The following FREM3 variants were observed in gnomAD, a reference collection of about 807,000 sequenced individuals.
FREM3 encodes the protein FRAS1 related extracellular matrix 3, also known as FRAS1-related extracellular matrix protein 3.
A neutral mutation model predicts 129.1 loss-of-function variants in FREM3; 105 were observed. The observed-to-expected ratio is 0.81, with a 90% CI of 0.69 to 0.96. The LOEUF (loss-of-function observed/expected upper bound fraction) is 0.96. Among genes scored for constraint, FREM3 ranks in the 40% least tolerant of loss-of-function variants. The pLI, the probability that FREM3 is intolerant of heterozygous loss-of-function variation, is 0.00. For synonymous variants in FREM3, 1,014 were observed against 1,044.9 expected (o/e 0.97, Z 0.57); for missense variants, 2,593 against 2,666.3 (o/e 0.97, Z 0.61).
At chr4:143,660,801 T>C (rs1739700590) in intron 2 of FREM3, among the ~76,000 whole-genome samples, 1 of 152,174 alleles carries the variant, frequency 6.6e-6, no homozygotes, top group Admixed American at 6.5e-5. Flanking sequence ...GTCCTTCACG[T>C]CCCTTGTAAG....
chr4:143,698,944 T>A lies in FREM3; in HGVS notation c.1732A>T (p.Thr578Ser). The A allele has an allele frequency of 6.5e-7, 1 of 1,537,212 alleles. No individual in the cohort carries two copies. Among genetic ancestry groups the A allele is most frequent in the Non-Finnish European group, 8.7e-7 (1 of 1,146,898 alleles). Reference sequence around the variant, plus strand: ...TGGTTCTCCAGCACAAAGTGGATGGTTGAGTCCTCAGAGTCAATATCAGTA... The same window carrying A: ...TGGTTCTCCAGCACAAAGTGGATGGATGAGTCCTCAGAGTCAATATCAGTA... ...SATDIDSEDS[T>S]IHFVLENQPL... The change falls in exon 1 of 8, where the codon ACC becomes TCC. Residue 578 changes from threonine to serine, a missense_variant. By Grantham distance (58) the Thr-to-Ser change is moderately conservative. This residue lies in a region of FREM3 where 2,276 missense variants were observed against 2,267.2 expected (regional missense o/e 1.00). Coordinates refer to ENST00000329798, the MANE Select transcript of FREM3 (RefSeq NM_001168235.2).
intron 2 of FREM3, among the ~76,000 whole-genome samples, chr4:143,686,788 T>C (rs991185873): frequency 2.0e-5 from 3 of 152,128 alleles, no homozygotes. Context: ...ACGACAATAA[T>C]AACACGACCT....
chr4:143,678,891 T>A (rs971156404), intron 2 of FREM3, among the ~76,000 whole-genome samples: 2 of 151,084 alleles, frequency 1.3e-5, no homozygotes, highest in African/African-American at 4.9e-5. Context: ...AATAAGAACA[T>A]ATTTTAAGTA....
At chr4:143,690,470 G>A (rs113971748) in intron 2 of FREM3, among the ~76,000 whole-genome samples, 3,144 of 152,162 alleles carry the variant, frequency 0.021, 137 homozygotes, top group African/African-American at 0.072. Flanking sequence ...TGGAGGCAGG[G>A]CAGGGTCTTC....
chr4:143,607,243 T>A (rs1308896055), intron 6 of FREM3, among the ~76,000 whole-genome samples: 1 of 152,212 alleles, frequency 6.6e-6, no homozygotes, highest in Non-Finnish European at 1.5e-5. Flanking sequence ...AATCACATTC[T>A]GGATATCTCC....
chr4:143,595,579 T>C (rs1173299881), intron 6 of FREM3, among the ~76,000 whole-genome samples: 3 of 152,146 alleles, frequency 2.0e-5, no homozygotes, highest in African/African-American at 4.8e-5. Context: ...TAGGATTTCA[T>C]TCAGCTATGC....
chr4:143,664,433 C>T (rs185787233), intron 2 of FREM3, among the ~76,000 whole-genome samples: 322 of 152,196 alleles, frequency 2.1e-3, no homozygotes, highest in Non-Finnish European at 9.3e-4. Context: ...GCTGTCTGAT[C>T]GTTCCTCTGG....
chr4:143,695,816 G>C lies in FREM3; in HGVS notation c.4860C>G (p.Phe1620Leu), dbSNP rs2149863956. ...GAGTGCCGTCTGTCACAGTCAAGGA[G>C]AAACTATCTTCAGTGGTCTCACTGC... ...HDGSETTEDS[F>L]SLTVTDGTHT... Residue 1620 changes from phenylalanine to leucine, a missense_variant, in exon 1 of 8, where the codon TTC (phenylalanine) becomes TTG (leucine). Phe to Leu is a conservative substitution (Grantham distance 22). Around this residue, in one of 2 missense-constraint regions of FREM3, gnomAD observed 2,276 missense variants for 2,267.2 expected, o/e 1.00. Coordinates refer to ENST00000329798, the MANE Select transcript of FREM3 (RefSeq NM_001168235.2). The C allele has an allele frequency of 1.3e-6, 2 of 1,537,300 alleles. No homozygotes were observed. Among genetic ancestry groups the C allele is most frequent in the East Asian group, 4.9e-5 (2 of 40,916 alleles).
At chr4:143,653,052 T>A (rs1315271974) in intron 2 of FREM3, among the ~76,000 whole-genome samples, 1 of 152,208 alleles carries the variant, frequency 6.6e-6, no homozygotes, top group Non-Finnish European at 1.5e-5. Flanking sequence ...GGGCAAACTC[T>A]AAAAGGCATA....
chr4:143,685,777 G>A (rs1170723987), intron 2 of FREM3, among the ~76,000 whole-genome samples: 1 of 151,860 alleles, frequency 6.6e-6, no homozygotes, highest in East Asian at 1.9e-4. Context: ...ACCAAACACA[G>A]CATGTTCTCA....
chr4:143,673,531 C>T (rs1560867068), intron 2 of FREM3, among the ~76,000 whole-genome samples: 1 of 152,322 alleles, frequency 6.6e-6, no homozygotes, highest in Non-Finnish European at 1.5e-5. Flanking sequence ...ATAGGCTATT[C>T]GTGGGTCAGG....
At chr4:143,681,559 TA>T (rs2149859341) in intron 2 of FREM3, among the ~76,000 whole-genome samples, 1 of 152,276 alleles carries the variant, frequency 6.6e-6, no homozygotes, top group African/African-American at 2.4e-5. Flanking sequence ...TCATTAATGT[TA>T]AAAAGTAGAC....
intron 6 of FREM3, among the ~76,000 whole-genome samples, chr4:143,586,345 T>C (rs980566643): frequency 9.9e-5 from 15 of 152,272 alleles, no homozygotes; most frequent in Admixed American, 8.5e-4. Context: ...TGGGAAAAGA[T>C]GGTGGAGAAG....
At chr4:143,687,089 A>G (rs923531383) in intron 2 of FREM3, among the ~76,000 whole-genome samples, 1 of 152,152 alleles carries the variant, frequency 6.6e-6, no homozygotes, top group African/African-American at 2.4e-5. Context: ...AATAAAATTG[A>G]TAGACCATTG....
chr4:143,578,812 G>T (rs1738083805), intron 7 of FREM3, among the ~76,000 whole-genome samples: 1 of 152,176 alleles, frequency 6.6e-6, no homozygotes, highest in Non-Finnish European at 1.5e-5. Context: ...GAGGACTGTT[G>T]TAGGTTGAAG....
chr4:143,603,600 ATATGTT>A, intron 6 of FREM3, among the ~76,000 whole-genome samples: 2 of 152,178 alleles, frequency 1.3e-5, no homozygotes, highest in Admixed American at 1.3e-4. Context: ...CTTAATGTAA[ATATGTT>A]GATTTGGAAA....
Position 143,577,618 on chromosome 4 carries a change from A to G in FREM3, c.6413T>C (p.Phe2138Ser). The G allele has an allele frequency of 1.3e-6, 2 of 1,536,534 alleles. No homozygotes were observed. Among genetic ancestry groups the G allele is most frequent in the South Asian group, 1.2e-5 (1 of 83,968 alleles). The change falls in exon 8 of 8, where the codon TTT (phenylalanine) becomes TCT (serine). Residue 2138 changes from phenylalanine (F) to serine (S), a missense_variant. By Grantham distance (155) the Phe-to-Ser change is radical (BLOSUM62 -2). This residue lies in a region of FREM3 where 317 missense variants were observed against 399.0 expected (regional missense o/e 0.79). Coordinates refer to ENST00000329798, the MANE Select transcript of FREM3 (RefSeq NM_001168235.2). Reference protein sequence around the residue: ...TDCKQSACSSFD With the variant: ...TDCKQSACSSSD ...TTTCCCTCTTAAAGTCTTTCAATCA[A>G]AGGAACTACAAGCACTCTGCTTACA...
chr4:143,659,347 G>T (rs546535168), intron 2 of FREM3, among the ~76,000 whole-genome samples: 4 of 151,904 alleles, frequency 2.6e-5, no homozygotes, highest in Admixed American at 1.3e-4. Context: ...GCGGTGTTTG[G>T]TTTTTTGTCC....
At chr4:143,658,121 A>C (rs1739633646) in intron 2 of FREM3, among the ~76,000 whole-genome samples, 2 of 152,196 alleles carry the variant, frequency 1.3e-5, no homozygotes, top group African/African-American at 4.8e-5. Flanking sequence ...AGTGCAAACA[A>C]AGTTATGTGT....
Sources: allele counts gnomAD v4.1 joint callset (sites outside exome capture counted in the v4.1 genomes callset), GRCh38; gene constraint gnomAD v4.1.1; regional missense constraint gnomAD v4.1.1; transcripts MANE v1.5; gene names NCBI Gene and HGNC (gene_info 2026-07-23, HGNC 2026-07-21).